The following RSRC1 variants were observed in gnomAD, a reference collection of about 807,000 sequenced individuals.
RSRC1 encodes the protein arginine and serine rich coiled-coil 1.
Under a neutral mutation model 49.1 loss-of-function variants are expected in RSRC1, and 39 were observed. That is an observed-to-expected ratio of 0.79 (90% confidence interval 0.61 to 1.04). RSRC1 has a LOEUF of 1.04. RSRC1 is among the 50% of genes least tolerant of loss of function. The pLI, the probability that RSRC1 is intolerant of heterozygous loss-of-function variation, is 0.00. For synonymous variants in RSRC1, 143 were observed against 130.8 expected (o/e 1.09, Z -0.63); for missense variants, 388 against 402.4 (o/e 0.96, Z 0.31).
chr3:158,400,319 T>C (rs1301056507), intron 6 of RSRC1, among the ~76,000 whole-genome samples: 1 of 152,162 alleles, frequency 6.6e-6, no homozygotes, highest in Non-Finnish European at 1.5e-5. Context: ...CATATAATTA[T>C]AGACAGTACA....
intron 4 of RSRC1, among the ~76,000 whole-genome samples, chr3:158,212,480 C>T (rs536632544): frequency 1.3e-5 from 2 of 151,900 alleles, no homozygotes; most frequent in African/African-American, 2.4e-5. Context: ...AATGTCACTG[C>T]TAGGATTCAT....
At chr3:158,125,667 G>C (rs953837287) in intron 3 of RSRC1, among the ~76,000 whole-genome samples, 1 of 152,172 alleles carries the variant, frequency 6.6e-6, no homozygotes, top group African/African-American at 2.4e-5. Context: ...AATGTTCCAT[G>C]TACACTTGAG....
chr3:158,313,359 G>A (rs1459737178), intron 5 of RSRC1, among the ~76,000 whole-genome samples: 1 of 151,986 alleles, frequency 6.6e-6, no homozygotes, highest in African/African-American at 2.4e-5. Flanking sequence ...CCTTAAATTG[G>A]CCTCTCTTAT....
intron 5 of RSRC1, among the ~76,000 whole-genome samples, chr3:158,323,069 T>C (rs891054229): frequency 2.6e-5 from 4 of 152,160 alleles, no homozygotes; most frequent in Non-Finnish European, 1.5e-5. Context: ...TTTTCTAATG[T>C]CTAGTAATTT....
intron 6 of RSRC1, among the ~76,000 whole-genome samples, chr3:158,380,706 T>C (rs1237386787): frequency 6.6e-6 from 1 of 152,096 alleles, no homozygotes; most frequent in Non-Finnish European, 1.5e-5. Context: ...TGTGGGAAAA[T>C]ACCACTCTGA....
intron 6 of RSRC1, among the ~76,000 whole-genome samples, chr3:158,419,561 G>A (rs1734927765): frequency 6.6e-6 from 1 of 151,870 alleles, no homozygotes; most frequent in East Asian, 1.9e-4. Context: ...GTTTGTAGAA[G>A]TCATTTTCAA....
intron 3 of RSRC1, among the ~76,000 whole-genome samples, chr3:158,169,612 T>C (rs1718751854): frequency 6.6e-6 from 1 of 152,186 alleles, no homozygotes; most frequent in South Asian, 2.1e-4. Context: ...TTGTTTTGAT[T>C]GCCTGTTTTT....
intron 3 of RSRC1, among the ~76,000 whole-genome samples, chr3:158,184,303 A>T (rs962622518): frequency 6.6e-6 from 1 of 151,726 alleles, no homozygotes; most frequent in African/African-American, 2.4e-5. Flanking sequence ...AACAAAACCT[A>T]GAATTATTTT....
At chr3:158,264,855 G>C (rs924277121) in intron 4 of RSRC1, among the ~76,000 whole-genome samples, 24 of 152,314 alleles carry the variant, frequency 1.6e-4, no homozygotes, top group Non-Finnish European at 2.5e-4. Context: ...TGTCTGGCTT[G>C]TTGGAATGGG....
intron 6 of RSRC1, among the ~76,000 whole-genome samples, chr3:158,405,597 T>TA (rs1734123281): frequency 6.6e-6 from 1 of 152,130 alleles, no homozygotes; most frequent in African/African-American, 2.4e-5. Context: ...GTGTCATGGG[T>TA]AAGGCTTTTA....
At chr3:158,372,802 T>C (rs559157685) in intron 6 of RSRC1, among the ~76,000 whole-genome samples, 94 of 152,056 alleles carry the variant, frequency 6.2e-4, no homozygotes, top group African/African-American at 2.2e-3. Context: ...ATTGGCATCT[T>C]AACATATTAA....
chr3:158,119,700 A>G (rs1559907185), intron 1 of RSRC1, among the ~76,000 whole-genome samples: 1 of 129,406 alleles, frequency 7.7e-6, no homozygotes, highest in Non-Finnish European at 1.6e-5. Context: ...TTATGTATAA[A>G]TGGATATGGA....
At chr3:158,257,051 G>GT (rs1213017374) in intron 4 of RSRC1, among the ~76,000 whole-genome samples, 1 of 151,952 alleles carries the variant, frequency 6.6e-6, no homozygotes, top group Non-Finnish European at 1.5e-5. Context: ...TTTTTGAAGG[G>GT]TTTTTTGTGT....
chr3:158,493,534 G>A (rs759456731), intron 7 of RSRC1, among the ~76,000 whole-genome samples: 2 of 151,978 alleles, frequency 1.3e-5, no homozygotes, highest in Non-Finnish European at 2.9e-5. Flanking sequence ...ATTTTTTGAT[G>A]TACTGTTAAA....
chr3:158,448,729 A>G (rs755037869), intron 6 of RSRC1, among the ~76,000 whole-genome samples: 2 of 151,944 alleles, frequency 1.3e-5, no homozygotes, highest in Non-Finnish European at 2.9e-5. Flanking sequence ...AGCTTTTCTA[A>G]TAAGTGACAT....
At chr3:158,442,988 T>G (rs1348205147) in intron 6 of RSRC1, among the ~76,000 whole-genome samples, 2 of 152,128 alleles carry the variant, frequency 1.3e-5, no homozygotes, top group East Asian at 3.9e-4. Context: ...AAATCTTTTT[T>G]TTCTGAGCAA....
chr3:158,176,873 A>G (rs181376534), intron 3 of RSRC1, among the ~76,000 whole-genome samples: 2 of 152,348 alleles, frequency 1.3e-5, no homozygotes, highest in Admixed American at 1.3e-4. Flanking sequence ...ACAGAATGGG[A>G]GAAAATTTTT....
intron 4 of RSRC1, among the ~76,000 whole-genome samples, chr3:158,242,032 CTTTTTTTTT>C (rs34356543): frequency 1.5e-5 from 1 of 66,616 alleles, no homozygotes; most frequent in Non-Finnish European, 2.5e-5. Flanking sequence ...AATTTCCAAC[CTTTTTTTTT>C]TTTTTTTTTT....
chr3:158,422,021 T>G (rs1284049001), intron 6 of RSRC1, among the ~76,000 whole-genome samples: 1 of 151,862 alleles, frequency 6.6e-6, no homozygotes, highest in Middle Eastern at 3.2e-3. Context: ...AGAAATTGAT[T>G]TTATTTGATG....
Sources: allele counts gnomAD v4.1 joint callset (sites outside exome capture counted in the v4.1 genomes callset), GRCh38; gene constraint gnomAD v4.1.1; transcripts MANE v1.5; gene names NCBI Gene and HGNC (gene_info 2026-07-23, HGNC 2026-07-21).